NALCN: variants seen among roughly 807,000 people sequenced by gnomAD.
The protein encoded by NALCN is sodium leak channel NALCN.
Under a neutral mutation model 225.3 loss-of-function variants are expected in NALCN, and 111 were observed. The ratio of observed to expected loss-of-function variants is 0.49; its 90% CI spans 0.42 to 0.58. NALCN has a LOEUF of 0.58. Ranked by LOEUF, NALCN falls within the 20% of genes least tolerant of loss-of-function variation. The probability of loss-of-function intolerance (pLI) is 0.00; values close to 1 mark genes in which losing one functional copy is unlikely to be tolerated. For missense variants in NALCN, 1,378 were observed against 2,202.4 expected, an observed-to-expected ratio of 0.63 and a Z score of 7.49; for synonymous variants, 764 against 769.0, an observed-to-expected ratio of 0.99 and a Z score of 0.11.
intron 2 of NALCN, 135 bp from the exon 3 acceptor site, chr13:101,395,500 CT>C: frequency 2.6e-6 from 2 of 757,392 alleles, no homozygotes; most frequent in South Asian, 4.4e-5. Context: ...AAGAAGAAAT[CT>C]AACACTAAGT....
chr13:101,195,020 TA>T (rs902129580), intron 13 of NALCN, among the ~76,000 whole-genome samples: 1 of 151,562 alleles, frequency 6.6e-6, no homozygotes, highest in Non-Finnish European at 1.5e-5. Context: ...AAAAAGAAAA[TA>T]AAAAGAAAGG....
intron 13 of NALCN, among the ~76,000 whole-genome samples, chr13:101,198,663 AG>A (rs1165711512): frequency 4.6e-5 from 7 of 152,186 alleles, no homozygotes; most frequent in African/African-American, 1.7e-4. Flanking sequence ...GAGGATGTGG[AG>A]AAATACGAAC....
chr13:101,194,432 C>G lies in NALCN; in HGVS notation c.1627-2378G>C, dbSNP rs143653470. Among the ~76,000 whole-genome samples the G allele has an allele frequency of 7.9e-5, 12 of 152,222 alleles. 1 individual carries two copies. Among genetic ancestry groups the G allele is most frequent in the Middle Eastern group, 3.4e-3 (1 of 294 alleles). On this transcript the variant is annotated intron_variant, in intron 13 of 43. Transcript: ENST00000251127. ...ACTTCTATTAGAGGCTGAAAATTAA[C>G]TTGTGTCTTGCTTGAAGGGTGCCTT... is the stretch of plus-strand genomic sequence containing the variant.
At chr13:101,332,008 T>C (rs1419474720) in intron 7 of NALCN, among the ~76,000 whole-genome samples, 3 of 152,142 alleles carry the variant, frequency 2.0e-5, no homozygotes, top group African/African-American at 4.8e-5. Flanking sequence ...GTTGTGGTCA[T>C]TGGACTCCCA....
intron 7 of NALCN, among the ~76,000 whole-genome samples, chr13:101,315,000 C>CTTTTCAAATGGGAAGAAAAGCT (rs11272454): frequency 2.0e-5 from 3 of 152,160 alleles, no homozygotes; most frequent in Non-Finnish European, 4.4e-5. Context: ...TAAGGAAGGG[C>CTTTTCAAATGGGAAGAAAAGCT]TTACAAAGGA....
At chr13:101,084,834 T>C (rs1325134629) in intron 30 of NALCN, among the ~76,000 whole-genome samples, 2 of 152,170 alleles carry the variant, frequency 1.3e-5, no homozygotes, top group Admixed American at 6.5e-5. Context: ...GAAGAATTGA[T>C]GGGGTCTAGG....
intron 17 of NALCN, among the ~76,000 whole-genome samples, chr13:101,133,811 T>C (rs2036630342): frequency 6.6e-6 from 1 of 152,256 alleles, no homozygotes; most frequent in Non-Finnish European, 1.5e-5. Flanking sequence ...TATCATGTTA[T>C]GAAGCTTTGA....
intron 7 of NALCN, among the ~76,000 whole-genome samples, chr13:101,317,013 T>C (rs1387103394): frequency 6.6e-6 from 1 of 152,200 alleles, no homozygotes; most frequent in Non-Finnish European, 1.5e-5. Context: ...AGCTATTCTG[T>C]AAATTCTTTA....
intron 6 of NALCN, among the ~76,000 whole-genome samples, chr13:101,348,943 A>C (rs952984688): frequency 1.3e-5 from 2 of 152,184 alleles, no homozygotes; most frequent in Non-Finnish European, 2.9e-5. Flanking sequence ...TTCAGTTAAC[A>C]AGAATCTTCC....
intron 1 of NALCN, among the ~76,000 whole-genome samples, chr13:101,409,042 C>G (rs1468566319): frequency 6.6e-6 from 1 of 152,180 alleles, no homozygotes; most frequent in East Asian, 1.9e-4. Flanking sequence ...GTCATTACTT[C>G]TCCAAGGATT....
At chr13:101,222,362 A>C (rs370916647) in intron 13 of NALCN, among the ~76,000 whole-genome samples, 3 of 151,908 alleles carry the variant, frequency 2.0e-5, no homozygotes, top group African/African-American at 4.8e-5. Flanking sequence ...TCAACCCGCT[A>C]TCTCTCTTCA....
chr13:101,237,741 A>G lies in NALCN; in HGVS notation c.1434+14T>C. On this transcript the variant is annotated intron_variant, in intron 12 of 43. Transcript: ENST00000251127. ...AATAAATTTCTAAAGACAAATAGGC[A>G]TTATTTTTATTACCTGAAAGTACGT... 1 of 1,543,494 alleles carries G rather than the reference A, an allele frequency of 6.5e-7. No individual in the cohort carries two copies. Among genetic ancestry groups the G allele is most frequent in the South Asian group, 1.3e-5 (1 of 77,662 alleles).
chr13:101,132,025 ATTTC>A (rs1273992068), intron 17 of NALCN, among the ~76,000 whole-genome samples: 8 of 151,432 alleles, frequency 5.3e-5, no homozygotes, highest in African/African-American at 1.9e-4. Context: ...TCTCTTTATT[ATTTC>A]TTTCTTTCTG....
intron 13 of NALCN, among the ~76,000 whole-genome samples, chr13:101,210,249 T>C (rs567918556): frequency 1.3e-5 from 2 of 152,186 alleles, no homozygotes; most frequent in Non-Finnish European, 2.9e-5. Context: ...CATTATGCTT[T>C]ATCCCATCAT....
At chr13:101,344,417 C>G (rs568215122) in intron 7 of NALCN, among the ~76,000 whole-genome samples, 3 of 152,044 alleles carry the variant, frequency 2.0e-5, no homozygotes, top group African/African-American at 7.2e-5. Context: ...GCAAAACTGA[C>G]TTTAAAAAGA....
At chr13:101,305,307 A>G (rs959337997) in intron 7 of NALCN, among the ~76,000 whole-genome samples, 43 of 152,334 alleles carry the variant, frequency 2.8e-4, no homozygotes, top group African/African-American at 1.0e-3. Flanking sequence ...ATTGGTTGGA[A>G]GGAAATAAGT....
At chr13:101,307,144 C>T (rs931873518) in intron 7 of NALCN, among the ~76,000 whole-genome samples, 9 of 152,196 alleles carry the variant, frequency 5.9e-5, no homozygotes, top group Non-Finnish European at 1.3e-4. Flanking sequence ...TATGGAGATC[C>T]TTGGGTGCTT....
intron 3 of NALCN, among the ~76,000 whole-genome samples, chr13:101,379,473 C>T (rs1288406194): frequency 6.6e-6 from 1 of 152,092 alleles, no homozygotes; most frequent in Non-Finnish European, 1.5e-5. Flanking sequence ...ATCCAAATGC[C>T]CATCAATGAT....
chr13:101,204,486 G>C (rs1190368338), intron 13 of NALCN, among the ~76,000 whole-genome samples: 1 of 152,112 alleles, frequency 6.6e-6, no homozygotes, highest in Admixed American at 6.6e-5. Flanking sequence ...AAAGTCTTCT[G>C]AATCTAGACT....
Sources: allele counts gnomAD v4.1 joint callset (sites outside exome capture counted in the v4.1 genomes callset), GRCh38; gene constraint gnomAD v4.1.1; transcripts MANE v1.5; gene names NCBI Gene and HGNC (gene_info 2026-07-23, HGNC 2026-07-21).